CCDC7: variants seen among roughly 807,000 people sequenced by gnomAD.
CCDC7 encodes coiled-coil domain containing 7.
Under a neutral mutation model 196.9 loss-of-function variants are expected in CCDC7, and 183 were observed. The ratio of observed to expected loss-of-function variants is 0.93; its 90% CI spans 0.82 to 1.05. CCDC7 has a LOEUF of 1.05. Among genes scored for constraint, CCDC7 ranks in the 50% least tolerant of loss-of-function variants. The pLI, the probability that CCDC7 is intolerant of heterozygous loss-of-function variation, is 0.00. For missense variants in CCDC7, 1,540 were observed against 1,482.2 expected, an observed-to-expected ratio of 1.04 and a Z score of -0.64; for synonymous variants, 525 against 484.6, an observed-to-expected ratio of 1.08 and a Z score of -1.10.
chr10:32,720,281 C>T (rs186459456), intron 25 of CCDC7, among the ~76,000 whole-genome samples: 1 of 152,198 alleles, frequency 6.6e-6, no homozygotes, highest in African/African-American at 2.4e-5. Flanking sequence ...TCTCAGCAAA[C>T]TAACACAGCA....
intron 31 of CCDC7, among the ~76,000 whole-genome samples, chr10:32,818,597 T>G (rs2135518932): frequency 6.6e-6 from 1 of 152,308 alleles, no homozygotes; most frequent in East Asian, 1.9e-4. Context: ...AGTAAAGCAC[T>G]CCTCAGCAAA....
At chr10:32,576,889 C>T (rs1471690922) in intron 16 of CCDC7, among the ~76,000 whole-genome samples, 1 of 151,962 alleles carries the variant, frequency 6.6e-6, no homozygotes, top group Non-Finnish European at 1.5e-5. Context: ...GAACAGGCAC[C>T]CAAGACTATA....
rs183732507 is a variant in CCDC7, at chr10:32,638,102, G to A, written c.2014+2944G>A. Among the ~76,000 whole-genome samples, 1,073 of 152,288 alleles carry A rather than the reference G, an allele frequency of 7.0e-3. 13 individuals are homozygous for A. The highest frequency in any genetic ancestry group is 0.025 in the African/African-American group (1,024 of 41,558). ...TTTTGTATCCTGAGACTTTGCTGAA[G>A]TTGCCTAACAGCTTAAAGAGATTTT... On this transcript the variant is annotated intron_variant, in intron 20 of 41. Coordinates refer to ENST00000639629, the Ensembl canonical transcript of CCDC7.
chr10:32,875,239 T>G (rs1026344725), intron 41 of CCDC7, among the ~76,000 whole-genome samples: 9 of 152,034 alleles, frequency 5.9e-5, no homozygotes, highest in African/African-American at 2.2e-4. Context: ...ATTGCCTAGG[T>G]TGTCTTCCAG....
chr10:32,557,263 CT>C (rs2054515419), intron 13 of CCDC7, among the ~76,000 whole-genome samples: 1 of 147,504 alleles, frequency 6.8e-6, no homozygotes, highest in Non-Finnish European at 1.5e-5. Context: ...TCTTTGGCCA[CT>C]TTTATTGCTT....
At chr10:32,623,318 T>C (rs1248901275) in intron 18 of CCDC7, among the ~76,000 whole-genome samples, 7 of 152,178 alleles carry the variant, frequency 4.6e-5, no homozygotes, top group African/African-American at 1.4e-4. Flanking sequence ...GTTGGATCTT[T>C]ATTGCAGTTG....
At chr10:32,726,026 T>C (rs376409701) in intron 25 of CCDC7, among the ~76,000 whole-genome samples, 24 of 152,182 alleles carry the variant, frequency 1.6e-4, no homozygotes, top group African/African-American at 5.8e-4. Flanking sequence ...TCCTTTTTCC[T>C]GCCCTGTTGT....
upstream of CCDC7, among the ~76,000 whole-genome samples, chr10:32,450,210 A>G (rs2032666649): frequency 6.6e-6 from 1 of 152,176 alleles, no homozygotes. Context: ...GGTTTTTACA[A>G]GCTTCTGGTG....
chr10:32,600,089 T>C (rs1159772742), intron 18 of CCDC7, among the ~76,000 whole-genome samples: 2 of 152,134 alleles, frequency 1.3e-5, no homozygotes, highest in Non-Finnish European at 2.9e-5. Context: ...TTTTAGGATT[T>C]TTTTCTGATT....
intron 9 of CCDC7, among the ~76,000 whole-genome samples, chr10:32,508,415 T>C (rs890930784): frequency 1.3e-5 from 2 of 152,222 alleles, no homozygotes; most frequent in African/African-American, 4.8e-5. Flanking sequence ...GGGACAGTAT[T>C]GTATGTTCAT....
At chr10:32,603,523 A>G (rs979857396) in intron 18 of CCDC7, among the ~76,000 whole-genome samples, 7 of 147,742 alleles carry the variant, frequency 4.7e-5, no homozygotes, top group Admixed American at 4.2e-4. Context: ...AGAAACCTCT[A>G]TAATGTTTTT....
At chr10:32,827,108 C>A (rs562560761) in intron 32 of CCDC7, among the ~76,000 whole-genome samples, 141 of 152,298 alleles carry the variant, frequency 9.3e-4, no homozygotes, top group African/African-American at 3.2e-3. Context: ...GATAGGATGA[C>A]CCATTCTGTG....
exon 15 of CCDC7, chr10:32,567,875 T>C: frequency 6.2e-7 from 1 of 1,612,452 alleles, no homozygotes; most frequent in South Asian, 1.1e-5. Context: ...AGTGATAAAA[T>C]CCAAGAATAT....
At chr10:32,635,144 A>G (rs1274247448) in exon 20 of CCDC7, 2 of 398,604 alleles carry the variant, frequency 5.0e-6, no homozygotes, top group African/African-American at 4.1e-5. Flanking sequence ...GCTACCAGAA[A>G]TGAGAGTTTT....
intron 23 of CCDC7, among the ~76,000 whole-genome samples, chr10:32,691,003 G>T (rs1417040142): frequency 6.6e-6 from 1 of 152,166 alleles, no homozygotes; most frequent in Non-Finnish European, 1.5e-5. Context: ...AGGTTGTGGG[G>T]ATCACAGCCA....
At chr10:32,644,171 C>T (rs188978641) in intron 20 of CCDC7, among the ~76,000 whole-genome samples, 3 of 152,134 alleles carry the variant, frequency 2.0e-5, no homozygotes, top group Non-Finnish European at 2.9e-5. Flanking sequence ...CCATATATAT[C>T]GCTAGAAGAA....
upstream of CCDC7, among the ~76,000 whole-genome samples, chr10:32,448,972 C>T (rs2032218677): frequency 6.6e-6 from 1 of 151,926 alleles, no homozygotes; most frequent in Non-Finnish European, 1.5e-5. Context: ...TTATTCTTTG[C>T]ATCAGTTTTT....
Position 32,506,428 on chromosome 10 carries a change from C to T in CCDC7, c.873-11517C>T, listed in dbSNP as rs182363165. Among the ~76,000 whole-genome samples the T allele has an allele frequency of 7.9e-3, 1,210 of 152,316 alleles. 6 individuals are homozygous for T. The highest frequency in any genetic ancestry group is 0.02 in the Middle Eastern group (6 of 294). On this transcript the variant is annotated intron_variant, in intron 9 of 41. Coordinates refer to ENST00000639629, the Ensembl canonical transcript of CCDC7. The stretch of plus-strand genomic sequence containing the variant: ...CAGACGATGGGCAGCCAGGCAGAGA[C>T]GCTGCTCACTTCCTAGACGGGGTGG...
chr10:32,651,812 C>A (rs547301243), intron 20 of CCDC7, among the ~76,000 whole-genome samples: 5 of 152,240 alleles, frequency 3.3e-5, no homozygotes, highest in African/African-American at 1.2e-4. Flanking sequence ...TAGAATGTTT[C>A]TGGTCAGAGA....
Sources: gnomAD v4.1 joint callset for allele counts (sites outside exome capture counted in the v4.1 genomes callset) on GRCh38, gnomAD v4.1.1 for gene constraint, MANE v1.5 for transcripts, NCBI Gene and HGNC (gene_info 2026-07-23, HGNC 2026-07-21) for gene names.